NADSYN1: variants seen among roughly 807,000 people sequenced by gnomAD.
NADSYN1 encodes glutamine-dependent NAD(+) synthetase.
Under a neutral mutation model 99.3 loss-of-function variants are expected in NADSYN1, and 80 were observed. The observed-to-expected ratio is 0.81, with a 90% confidence interval of 0.67 to 0.97. NADSYN1 has a LOEUF of 0.97. Among genes scored for constraint, NADSYN1 ranks in the 50% least tolerant of loss-of-function variants. The pLI is 0.00. For synonymous variants in NADSYN1, 385 were observed against 372.1 expected (o/e 1.03, Z -0.40); for missense variants, 859 against 948.5 (o/e 0.91, Z 1.24).
chr11:71,468,451 G>A (rs1949607623), intron 5 of NADSYN1, among the ~76,000 whole-genome samples: 1 of 152,180 alleles, frequency 6.6e-6, no homozygotes, highest in South Asian at 2.1e-4. Flanking sequence ...TTTGACTTTA[G>A]TTGAGAGACA....
chr11:71,487,404 T>C (rs944351656), intron 16 of NADSYN1, among the ~76,000 whole-genome samples: 1 of 152,344 alleles, frequency 6.6e-6, no homozygotes, highest in East Asian at 1.9e-4. Flanking sequence ...TATAAAATTG[T>C]GTTGTAAGAG....
In NADSYN1 at chr11:71,485,571, GT is replaced by G; in HGVS notation, c.1488del (p.Phe496LeufsTer4). The G allele has an allele frequency of 6.4e-7, 1 of 1,561,860 alleles. No homozygotes were observed. The highest frequency in any genetic ancestry group is 8.7e-7 in the Non-Finnish European group (1 of 1,152,238). On this transcript the variant is annotated frameshift_variant, in exon 16 of 21. Transcript: ENST00000319023. LOFTEE classifies it high-confidence loss of function. ...ARIRMVLAYLFAQLSLWSRGV... is the reference protein window; with the variant it reads ...ARIRMVLAYLXAQLSLWSRGV... Reference sequence around the variant, plus strand: ...GAATACGGATGGTCCTCGCCTATCTGTTTGCTCAGTTGAGCCTCTGGTCTCG... The same window carrying G: ...GAATACGGATGGTCCTCGCCTATCTGTTGCTCAGTTGAGCCTCTGGTCTCG...
At chr11:71,476,951 G>A (rs1275999836) in intron 9 of NADSYN1, 6 of 999,982 alleles carry the variant, frequency 6.0e-6, no homozygotes, top group African/African-American at 1.7e-5. Context: ...TGAGAGCTCC[G>A]TCGTAGGCTG....
chr11:71,481,359 T>A lies in NADSYN1; in HGVS notation c.1002T>A (p.Leu334=). Reference sequence around the variant, plus strand: ...CCATGTTCTGATTGCCCTGCAGCCTTGGACCTGCCTGCTGGCTCTGGGATT... The same window carrying A: ...CCATGTTCTGATTGCCCTGCAGCCTAGGACCTGCCTGCTGGCTCTGGGATT... ...KYHSPEEEIS[L]GPACWLWDFL... Residue 334 remains leucine (L), a synonymous_variant, in exon 12 of 21, where the codon CTT becomes CTA. Coordinates refer to ENST00000319023, the MANE Select transcript of NADSYN1 (RefSeq NM_018161.5). The A allele has an allele frequency of 6.2e-7, 1 of 1,614,010 alleles. No individual in the cohort carries two copies. The highest frequency in any genetic ancestry group is 8.5e-7 in the Non-Finnish European group (1 of 1,179,998).
Position 71,453,238 on chromosome 11 carries a change from G to T in NADSYN1, c.-59G>T, listed in dbSNP as rs1591118597. On this transcript the variant is annotated 5_prime_UTR_variant, in exon 1 of 21. Transcript: ENST00000319023. ...GTCCGGCGTCCCAGCCGCCTACCTC[G>T]CTGGGACCCTGGTCTTGCTGTCCCC... 2.0e-6 allele frequency: 3 copies of T among 1,508,514 alleles called. No individual in the cohort carries two copies. Among genetic ancestry groups the T allele is most frequent in the East Asian group, 4.7e-5 (2 of 42,836 alleles). 93.4% of individuals were successfully genotyped at this position (1,508,514 alleles called of 1,614,324 possible).
At position 71,464,045 on chromosome 11, in the gene NADSYN1, G is replaced by A. The variant is rs764941512; in HGVS notation, c.318-8G>A. 2 of 1,607,592 alleles carry A rather than the reference G, an allele frequency of 1.2e-6. No homozygotes were observed. The highest frequency in any genetic ancestry group is 1.7e-6 in the Non-Finnish European group (2 of 1,176,550). On this transcript the variant is annotated splice_polypyrimidine_tract_variant and splice_region_variant and intron_variant, in intron 4 of 20. Coordinates refer to ENST00000319023, the MANE Select transcript of NADSYN1 (RefSeq NM_018161.5). ...CCGGTGTGCACAGCCCTGTTCCCCT[G>A]TCTGCAGGAAGATCCTGCTCATCAG...
chr11:71,481,446 G>T, intron 12 of NADSYN1, 42 bp downstream of exon 12: 1 of 1,596,948 alleles, frequency 6.3e-7, no homozygotes, highest in South Asian at 1.1e-5. Flanking sequence ...TGCTTGTTCT[G>T]CTGGTTGGTC....
intron 15 of NADSYN1, chr11:71,484,783 G>A: frequency 3.3e-6 from 1 of 306,204 alleles, no homozygotes. Context: ...GCCTGAGTGT[G>A]AGCCTGAGCG....
chr11:71,486,648 C>T (rs1187876783), intron 16 of NADSYN1, among the ~76,000 whole-genome samples: 2 of 151,952 alleles, frequency 1.3e-5, no homozygotes, highest in African/African-American at 4.8e-5. Flanking sequence ...TCTATCCACT[C>T]ATCTATCCAT....
chr11:71,461,745 G>A (rs1237235173), intron 3 of NADSYN1, among the ~76,000 whole-genome samples: 1 of 152,132 alleles, frequency 6.6e-6, no homozygotes, highest in Non-Finnish European at 1.5e-5. Context: ...CTATTAAAAC[G>A]ACCAGATCTC....
intron 5 of NADSYN1, among the ~76,000 whole-genome samples, chr11:71,468,444 G>T (rs1194592635): frequency 1.3e-5 from 2 of 152,128 alleles, no homozygotes; most frequent in African/African-American, 4.8e-5. Context: ...ATCAATTTTT[G>T]ACTTTAGTTG....
chr11:71,490,176 T>G (rs1446714878), intron 16 of NADSYN1, among the ~76,000 whole-genome samples: 1 of 152,160 alleles, frequency 6.6e-6, no homozygotes, highest in Non-Finnish European at 1.5e-5. Context: ...GAGTCCCGCC[T>G]TCTTTGGCTC....
At position 71,485,682 on chromosome 11, in the gene NADSYN1, C is replaced by G. The variant is rs1436462201; in HGVS notation, c.1562+34C>G. On this transcript the variant is annotated intron_variant, in intron 16 of 20. Transcript: ENST00000319023. ...GGCCCAGTGGCACGTGGTGGTGGGC[C>G]CCTGAACCTCTCAGGTCTCTGAAGG... is the stretch of plus-strand genomic sequence containing the variant. The G allele has an allele frequency of 5.4e-6, 8 of 1,469,614 alleles. No homozygotes were observed. In the South Asian group the frequency reaches 8.6e-5, roughly 16 times the overall value. The allele number at this position is 1,469,614 out of a possible 1,614,324, so 91.0% of individuals were successfully genotyped here.
At chr11:71,474,558 G>A in intron 9 of NADSYN1, 32 bp downstream of exon 9, 1 of 1,613,716 alleles carries the variant, frequency 6.2e-7, no homozygotes, top group Non-Finnish European at 8.5e-7. Flanking sequence ...GCCTGGGGGA[G>A]GGTTCTCTGT....
At chr11:71,469,927 G>GA (rs749801544) in intron 5 of NADSYN1, among the ~76,000 whole-genome samples, 71,261 of 109,350 alleles carry the variant, frequency 0.65, 24,889 homozygotes, top group Non-Finnish European at 0.79. Flanking sequence ...GCCTGTCTCA[G>GA]AAAAAAAAAA....
chr11:71,481,187 C>G (rs1949704685), intron 11 of NADSYN1, 169 bp from the exon 12 acceptor site: 1 of 730,796 alleles, frequency 1.4e-6, no homozygotes, highest in African/African-American at 1.8e-5. Context: ...GGTCTGTCTT[C>G]AGAATCACAT....
At chr11:71,472,292 G>A in intron 5 of NADSYN1, among the ~76,000 whole-genome samples, 157 bp from the exon 6 acceptor site, 1 of 152,186 alleles carries the variant, frequency 6.6e-6, no homozygotes, top group East Asian at 1.9e-4. Flanking sequence ...CTTTTTACCT[G>A]AATGCGATTG....
At chr11:71,481,864 TCCATG>T in intron 12 of NADSYN1, 54 bp from the exon 13 acceptor site, 2 of 1,495,198 alleles carry the variant, frequency 1.3e-6, no homozygotes, top group Non-Finnish European at 1.8e-6. Context: ...GCTTGGCTGA[TCCATG>T]GGCATGCTGC....
At position 71,501,589 on chromosome 11, in the gene NADSYN1, C is replaced by G. The variant is rs1949858158; in HGVS notation, c.*237C>G. 1 of 530,298 alleles carries G rather than the reference C, an allele frequency of 1.9e-6. No homozygotes were observed. The highest frequency in any genetic ancestry group is 1.9e-5 in the African/African-American group (1 of 51,672). 32.8% of individuals were successfully genotyped at this position (530,298 alleles called of 1,614,324 possible). A position where few individuals can be genotyped will look rare whatever the true frequency, so the allele number is the denominator to read the frequency against. On this transcript the variant is annotated 3_prime_UTR_variant, in exon 21 of 21. Transcript: ENST00000319023. The stretch of plus-strand genomic sequence containing the variant: ...TTTGACCTCCCGCCAGCGTGCGCTT[C>G]CCCGCGAAGTCTGGCATTCTCCGAA...
Sources: gnomAD v4.1 joint callset for allele counts (sites outside exome capture counted in the v4.1 genomes callset) on GRCh38, gnomAD v4.1.1 for gene constraint, MANE v1.5 for transcripts, NCBI Gene and HGNC (gene_info 2026-07-23, HGNC 2026-07-21) for gene names.